Variants in KIF9 observed in about 807,000 individuals in gnomAD.
KIF9 encodes kinesin family member 9.
Under a neutral mutation model 94.8 loss-of-function variants are expected in KIF9, and 68 were observed. The ratio of observed to expected loss-of-function variants is 0.72; its 90% CI spans 0.59 to 0.88. The LOEUF is 0.88. Ranked by LOEUF, KIF9 falls within the 40% of genes least tolerant of loss-of-function variation. The pLI, the probability that KIF9 is intolerant of heterozygous loss-of-function variation, is 0.00. For synonymous variants in KIF9, 343 were observed against 362.1 expected (o/e 0.95, Z 0.60); for missense variants, 882 against 982.5 (o/e 0.90, Z 1.37).
chr3:47,233,661 A>T (rs1462954384), intron 20 of KIF9, among the ~76,000 whole-genome samples: 6 of 151,912 alleles, frequency 3.9e-5, no homozygotes, highest in Admixed American at 6.6e-5. Flanking sequence ...ATGCCACTGC[A>T]CTCTAGCCTG....
intron 1 of KIF9, 31 bp from the exon 2 acceptor site, chr3:47,277,410 T>C (rs1487026455): frequency 6.9e-7 from 1 of 1,448,946 alleles, no homozygotes. Context: ...AAATTTTGAG[T>C]AGTCATTATC....
At chr3:47,264,909 C>G (rs759205796) in intron 8 of KIF9, among the ~76,000 whole-genome samples, 34 of 152,230 alleles carry the variant, frequency 2.2e-4, no homozygotes, top group Admixed American at 8.5e-4. Context: ...GACCAGAACC[C>G]TCTCTTTCTT....
intron 17 of KIF9, chr3:47,239,463 G>A: frequency 1.3e-6 from 1 of 746,162 alleles, no homozygotes; most frequent in South Asian, 5.1e-5. Context: ...GCCTTCTCCA[G>A]CTTCCCAGAC....
intron 10 of KIF9, among the ~76,000 whole-genome samples, chr3:47,255,081 T>G (rs957777993): frequency 6.6e-6 from 1 of 152,180 alleles, no homozygotes; most frequent in Admixed American, 6.5e-5. Flanking sequence ...TTTAACTGGT[T>G]TGTCGAGCTT....
At chr3:47,252,710 C>T (rs192366577) in intron 10 of KIF9, among the ~76,000 whole-genome samples, 1 of 152,216 alleles carries the variant, frequency 6.6e-6, no homozygotes, top group Admixed American at 6.5e-5. Flanking sequence ...GCTAAGGGAA[C>T]ACCAAATAAG....
chr3:47,281,249 A>AC, intron 1 of KIF9: 1 of 513,978 alleles, frequency 1.9e-6, no homozygotes, highest in Non-Finnish European at 3.5e-6. Context: ...GACAACTCCA[A>AC]CCAAAGCCCA....
chr3:47,244,742 C>CA, intron 15 of KIF9, 49 bp downstream of exon 15: 2 of 1,607,584 alleles, frequency 1.2e-6, no homozygotes, highest in Non-Finnish European at 1.7e-6. Context: ...CCCATGCACC[C>CA]ACCGAGGAGG....
At chr3:47,256,514 G>T (rs1700613587) in intron 10 of KIF9, among the ~76,000 whole-genome samples, 1 of 150,724 alleles carries the variant, frequency 6.6e-6, no homozygotes, top group African/African-American at 2.4e-5. Context: ...GTCTGGGAGG[G>T]AGGTGGGGGG....
intron 10 of KIF9, among the ~76,000 whole-genome samples, chr3:47,255,904 C>T (rs1042680853): frequency 3.3e-5 from 5 of 152,224 alleles, no homozygotes; most frequent in East Asian, 3.9e-4. Context: ...TGATTGCGGG[C>T]GCGCGCCACC....
chr3:47,244,578 C>A, intron 15 of KIF9: 1 of 602,812 alleles, frequency 1.7e-6, no homozygotes, highest in Non-Finnish European at 3.0e-6. Context: ...CCCACCTCAC[C>A]AGGTTGCTGT....
intron 20 of KIF9, among the ~76,000 whole-genome samples, chr3:47,232,705 G>A (rs1313988276): frequency 6.6e-6 from 1 of 151,982 alleles, no homozygotes; most frequent in Non-Finnish European, 1.5e-5. Flanking sequence ...AAAGTCGGCC[G>A]GGCATGCTGG....
intron 2 of KIF9, among the ~76,000 whole-genome samples, chr3:47,276,293 C>G (rs538909518): frequency 6.6e-6 from 1 of 152,164 alleles, no homozygotes; most frequent in African/African-American, 2.4e-5. Context: ...TGGTGGCTCA[C>G]GCCTGTAATC....
chr3:47,232,918 T>C (rs530854318), intron 20 of KIF9, among the ~76,000 whole-genome samples: 109 of 144,684 alleles, frequency 7.5e-4, no homozygotes, highest in African/African-American at 2.7e-3. Context: ...GGAGGCGGAG[T>C]TGCAGTGAGC....
Position 47,236,095 on chromosome 3 carries a change from G to A in KIF9, c.2156C>T (p.Ala719Val). 1 of 1,614,154 alleles carries A rather than the reference G, an allele frequency of 6.2e-7. No homozygotes were observed. Among genetic ancestry groups the A allele is most frequent in the Non-Finnish European group, 8.5e-7 (1 of 1,179,998 alleles). The change falls in exon 19 of 21, where the codon GCA becomes GTA. Residue 719 changes from alanine to valine, a missense_variant. By Grantham distance (64) the Ala-to-Val change is moderately conservative (BLOSUM62 0). Transcript: ENST00000684063. ...CCGGATGCTGCCGCCTGGCTTCAGT[G>A]CCATCTGCATGTCCTCAGGGATGAC... The part of the protein sequence containing the change: ...SFVIPEDMQM[A>V]LKPGGSIRPG...
chr3:47,280,529 G>A (rs568979229), intron 1 of KIF9, among the ~76,000 whole-genome samples: 15 of 152,212 alleles, frequency 9.9e-5, no homozygotes, highest in Non-Finnish European at 2.2e-4. Context: ...AACACAGCAA[G>A]ACCTTGTCTC....
In KIF9 at chr3:47,245,311, C is replaced by A. The variant is rs576545283; in HGVS notation, c.1380+110G>T. 189 of 837,028 alleles carry A rather than the reference C, an allele frequency of 2.3e-4. 1 individual carries two copies. The highest frequency in any genetic ancestry group is 1.6e-3 in the Admixed American group (94 of 57,590). The allele number at this position is 837,028 out of a possible 1,614,324, so 51.9% of individuals were successfully genotyped here. On this transcript the variant is annotated intron_variant, in intron 14 of 20. Coordinates refer to ENST00000684063, the MANE Select transcript of KIF9 (RefSeq NM_182902.4). ...GTGTTCATTCTGGTGTTACCTTTAT[C>A]TGTTGCAATCCTAGCTCTGGTTTAA...
At chr3:47,241,113 G>A in intron 16 of KIF9, 98 bp from the exon 17 acceptor site, 1 of 1,067,150 alleles carries the variant, frequency 9.4e-7, no homozygotes, top group Non-Finnish European at 1.4e-6. Context: ...CTGTGGCCAG[G>A]AGGCAGAAGT....
At chr3:47,255,769 C>A (rs1430136215) in intron 10 of KIF9, among the ~76,000 whole-genome samples, 1 of 150,290 alleles carries the variant, frequency 6.7e-6, no homozygotes, top group Non-Finnish European at 1.5e-5. Context: ...TCCCCACGGT[C>A]TCCCTCTCCC....
chr3:47,272,097 G>T (rs984763465), intron 4 of KIF9, among the ~76,000 whole-genome samples: 4 of 152,112 alleles, frequency 2.6e-5, no homozygotes, highest in Admixed American at 1.3e-4. Flanking sequence ...TCCAGCCTGG[G>T]TGACAGTGAG....
Sources: allele counts gnomAD v4.1 joint callset (sites outside exome capture counted in the v4.1 genomes callset), GRCh38; gene constraint gnomAD v4.1.1; transcripts MANE v1.5; gene names NCBI Gene and HGNC (gene_info 2026-07-23, HGNC 2026-07-21).